Variants in UNC5D observed in about 807,000 individuals in gnomAD.
UNC5D encodes netrin receptor UNC5D.
Under a neutral mutation model 105.4 loss-of-function variants are expected in UNC5D, and 39 were observed. The observed-to-expected ratio is 0.37, with a 90% CI of 0.29 to 0.48. The LOEUF (loss-of-function observed/expected upper bound fraction) is 0.48, where lower values mean the gene tolerates loss of function less well. Ranked by LOEUF, UNC5D falls within the 20% of genes least tolerant of loss-of-function variation. The pLI is 0.98. For synonymous variants in UNC5D, 452 were observed against 450.4 expected (o/e 1.00, Z -0.04); for missense variants, 991 against 1,202.4 (o/e 0.82, Z 2.60).
intron 1 of UNC5D, among the ~76,000 whole-genome samples, chr8:35,513,668 G>GT (rs1472019748): frequency 6.6e-6 from 1 of 152,106 alleles, no homozygotes; most frequent in Non-Finnish European, 1.5e-5. Flanking sequence ...TGAGTTCCTT[G>GT]TTCCTTCCAA....
Position 35,251,113 on chromosome 8 carries a change from C to A in UNC5D, c.103+15226C>A, listed in dbSNP as rs142164502. ...GGTTCACCTCTTCCTCCCTATTAGG[C>A]CTTATCTTTCCACCTTGCATCCTAT... On this transcript the variant is annotated intron_variant, in intron 1 of 16. Transcript: ENST00000404895. Among the ~76,000 whole-genome samples, 381 of 152,202 alleles carry A rather than the reference C, an allele frequency of 2.5e-3. 1 individual carries two copies. Among genetic ancestry groups the A allele is most frequent in the Admixed American group, 2.7e-3 (41 of 15,282 alleles).
intron 1 of UNC5D, among the ~76,000 whole-genome samples, chr8:35,393,971 C>T (rs1803941576): frequency 6.6e-6 from 1 of 152,006 alleles, no homozygotes; most frequent in Non-Finnish European, 1.5e-5. Flanking sequence ...TCCCTTTCTT[C>T]TCCTTCTCCT....
chr8:35,701,339 C>A (rs1200659826), intron 7 of UNC5D, among the ~76,000 whole-genome samples: 1 of 152,164 alleles, frequency 6.6e-6, no homozygotes, highest in Admixed American at 6.5e-5. Flanking sequence ...TGTCTGCAGC[C>A]CTCACTCTAT....
intron 1 of UNC5D, among the ~76,000 whole-genome samples, chr8:35,425,538 C>G (rs1806191050): frequency 6.6e-6 from 1 of 152,110 alleles, no homozygotes. Context: ...CTGCAGCATG[C>G]CCGTGAGTTA....
At chr8:35,706,326 C>G (rs954922063) in intron 8 of UNC5D, among the ~76,000 whole-genome samples, 4 of 152,152 alleles carry the variant, frequency 2.6e-5, no homozygotes, top group African/African-American at 9.7e-5. Context: ...GACTACAAGT[C>G]TCTCCACCTA....
At chr8:35,245,816 A>T (rs1323462966) in intron 1 of UNC5D, among the ~76,000 whole-genome samples, 1 of 152,156 alleles carries the variant, frequency 6.6e-6, no homozygotes, top group African/African-American at 2.4e-5. Context: ...TGTGTATTAT[A>T]TATTAGTAGA....
At chr8:35,396,061 G>T (rs1418319731) in intron 1 of UNC5D, among the ~76,000 whole-genome samples, 1 of 152,192 alleles carries the variant, frequency 6.6e-6, no homozygotes, top group Non-Finnish European at 1.5e-5. Context: ...TAATAATTTA[G>T]TAAGTATTAG....
At chr8:35,256,691 G>A (rs2128817172) in intron 1 of UNC5D, 1 of 151,942 alleles carries the variant, frequency 6.6e-6, no homozygotes, top group Admixed American at 6.5e-5. Context: ...TTGAACACAG[G>A]GCAGCCTAAC....
At chr8:35,579,844 C>G (rs1818356054) in intron 3 of UNC5D, among the ~76,000 whole-genome samples, 1 of 152,196 alleles carries the variant, frequency 6.6e-6, no homozygotes. Flanking sequence ...TCCAAACTCT[C>G]AACCCTCCCA....
chr8:35,759,217 T>G (rs939334595), intron 13 of UNC5D, 103 bp from the exon 14 acceptor site: 1 of 1,287,240 alleles, frequency 7.8e-7, no homozygotes, highest in East Asian at 2.4e-5. Context: ...TCTGTCCATT[T>G]GTGGAAGACA....
At chr8:35,322,538 A>G (rs937672936) in intron 1 of UNC5D, among the ~76,000 whole-genome samples, 1 of 152,054 alleles carries the variant, frequency 6.6e-6, no homozygotes, top group Non-Finnish European at 1.5e-5. Context: ...CATGTAATAC[A>G]TTTTTTGCTT....
chr8:35,741,404 C>T (rs1829753612), intron 11 of UNC5D, among the ~76,000 whole-genome samples: 1 of 152,104 alleles, frequency 6.6e-6, no homozygotes, highest in African/African-American at 2.4e-5. Context: ...TCTTTAAGCC[C>T]TTTAATAGTA....
chr8:35,344,399 T>A (rs1313158117), intron 1 of UNC5D, among the ~76,000 whole-genome samples: 2 of 152,058 alleles, frequency 1.3e-5, no homozygotes, highest in Middle Eastern at 3.2e-3. Flanking sequence ...TATCTTTATT[T>A]CATGTTCACC....
At chr8:35,757,200 G>A (rs761252304) in intron 13 of UNC5D, among the ~76,000 whole-genome samples, 16 of 152,106 alleles carry the variant, frequency 1.1e-4, no homozygotes, top group Non-Finnish European at 2.4e-4. Flanking sequence ...TCTTTTGAGT[G>A]CATGAAGACA....
rs766531280 is a variant in UNC5D, at chr8:35,726,213, C to T, written c.1365C>T (p.Ser455=). The T allele has an allele frequency of 6.8e-6, 11 of 1,614,110 alleles. No individual in the cohort carries two copies. The highest frequency in any genetic ancestry group is 1.7e-5 in the Admixed American group (1 of 60,024). ...QPDLTVSRTY[S]GPICLQDPLD... ...ATCTGACAGTGAGCCGGACATACAG[C>T]GGACCCATCTGTCTGCAGGACCCTC... Residue 455 remains serine (S), a synonymous_variant, in exon 10 of 17, where the codon AGC becomes AGT. Coordinates refer to ENST00000404895, the MANE Select transcript of UNC5D (RefSeq NM_080872.4).
At chr8:35,324,451 G>A (rs1370999298) in intron 1 of UNC5D, among the ~76,000 whole-genome samples, 1 of 151,946 alleles carries the variant, frequency 6.6e-6, no homozygotes, top group Non-Finnish European at 1.5e-5. Flanking sequence ...TGCTTTTTGA[G>A]TATTTAAAAT....
intron 1 of UNC5D, among the ~76,000 whole-genome samples, chr8:35,495,531 C>T (rs910167735): frequency 2.0e-5 from 3 of 150,036 alleles, no homozygotes; most frequent in South Asian, 2.1e-4. Flanking sequence ...TTGTGTTGGG[C>T]CCCATTCAAA....
chr8:35,544,861 C>T (rs375696823), intron 1 of UNC5D, among the ~76,000 whole-genome samples: 2 of 152,128 alleles, frequency 1.3e-5, no homozygotes, highest in East Asian at 3.9e-4. Flanking sequence ...CCTCTGCCTC[C>T]CAGAGTGCTG....
intron 14 of UNC5D, among the ~76,000 whole-genome samples, chr8:35,764,550 T>C (rs1483225600): frequency 6.6e-6 from 1 of 152,142 alleles, no homozygotes; most frequent in Admixed American, 6.5e-5. Context: ...TGAAAAGTCA[T>C]TTGGAGTATT....
Sources: allele counts gnomAD v4.1 joint callset (sites outside exome capture counted in the v4.1 genomes callset), GRCh38; gene constraint gnomAD v4.1.1; transcripts MANE v1.5; gene names NCBI Gene and HGNC (gene_info 2026-07-23, HGNC 2026-07-21).